The following FHIT variants were observed in gnomAD, a reference collection of about 807,000 sequenced individuals.
The protein encoded by FHIT is fragile histidine triad diadenosine triphosphatase, also known as bis(5'-adenosyl)-triphosphatase.
A neutral mutation model predicts 17.9 loss-of-function variants in FHIT; 19 were observed. The ratio of observed to expected loss-of-function variants is 1.06; its 90% CI spans 0.74 to 1.56. FHIT has a LOEUF of 1.56. Among genes scored for constraint, FHIT ranks in the 40% most tolerant of loss-of-function variants. The pLI, the probability that FHIT is intolerant of heterozygous loss-of-function variation, is 0.00. For missense variants in FHIT, 248 were observed against 189.2 expected (o/e 1.31, Z -1.82); for synonymous variants, 81 against 69.7 (o/e 1.16, Z -0.81).
intron 8 of FHIT, among the ~76,000 whole-genome samples, chr3:59,767,842 C>T (rs1203191721): frequency 6.6e-6 from 1 of 152,182 alleles, no homozygotes; most frequent in Non-Finnish European, 1.5e-5. Context: ...CAGGGTCCCA[C>T]TCCCTTTCTG....
intron 5 of FHIT, among the ~76,000 whole-genome samples, chr3:60,520,001 T>A (rs1461280304): frequency 1.3e-5 from 2 of 152,198 alleles, no homozygotes; most frequent in Non-Finnish European, 2.9e-5. Context: ...GGCTACAAAT[T>A]TCTTATAGTA....
chr3:59,851,910 A>G (rs1053486538), intron 8 of FHIT, among the ~76,000 whole-genome samples: 2 of 152,234 alleles, frequency 1.3e-5, no homozygotes, highest in African/African-American at 4.8e-5. Context: ...TTAAGAGAAA[A>G]AGAGTAGTCA....
At chr3:61,084,381 T>C (rs2035242181) in intron 2 of FHIT, among the ~76,000 whole-genome samples, 1 of 152,194 alleles carries the variant, frequency 6.6e-6, no homozygotes, top group South Asian at 2.1e-4. Flanking sequence ...TTGTTCTGAT[T>C]CCCCTTCAGA....
At chr3:60,432,836 A>G (rs1175664900) in intron 5 of FHIT, among the ~76,000 whole-genome samples, 7 of 151,926 alleles carry the variant, frequency 4.6e-5, no homozygotes, top group African/African-American at 1.4e-4. Context: ...ATATTTGATT[A>G]TGGTTTTTGA....
chr3:61,075,692 C>T (rs1341820049), intron 2 of FHIT, among the ~76,000 whole-genome samples: 1 of 151,956 alleles, frequency 6.6e-6, no homozygotes, highest in Non-Finnish European at 1.5e-5. Flanking sequence ...ACTCCATATA[C>T]ATTTTAATAC....
At chr3:60,037,025 T>C (rs367824800) in intron 5 of FHIT, among the ~76,000 whole-genome samples, 8 of 152,172 alleles carry the variant, frequency 5.3e-5, no homozygotes, top group South Asian at 2.1e-4. Flanking sequence ...AAAGGAGAAG[T>C]GTGTGCTAAA....
At chr3:59,923,349 G>A (rs760077692) in intron 7 of FHIT, among the ~76,000 whole-genome samples, 12 of 151,600 alleles carry the variant, frequency 7.9e-5, no homozygotes, top group African/African-American at 2.9e-4. Flanking sequence ...AGTCAGCACC[G>A]GAAATGAGGT....
At chr3:60,822,552 C>G (rs1701964776) in intron 3 of FHIT, among the ~76,000 whole-genome samples, 1 of 152,144 alleles carries the variant, frequency 6.6e-6, no homozygotes, top group South Asian at 2.1e-4. Context: ...GTCCCACTGG[C>G]CTGAGTTTGA....
At chr3:60,027,106 CAG>C (rs1396528822) in intron 5 of FHIT, among the ~76,000 whole-genome samples, 174 of 111,326 alleles carry the variant, frequency 1.6e-3, no homozygotes, top group African/African-American at 6.2e-3. Context: ...GTTTCACACA[CAG>C]ACACACACAC....
chr3:61,021,516 G>A (rs59077770), intron 3 of FHIT, among the ~76,000 whole-genome samples: 10,733 of 143,520 alleles, frequency 0.075, 446 homozygotes, highest in East Asian at 0.19. Context: ...GGAGAATGGC[G>A]TGAACCCGGG....
intron 4 of FHIT, among the ~76,000 whole-genome samples, chr3:60,545,897 G>A (rs1377822339): frequency 6.6e-6 from 1 of 152,148 alleles, no homozygotes; most frequent in Non-Finnish European, 1.5e-5. Context: ...GTTTCTGAGA[G>A]GACTGTTTTA....
At chr3:60,846,068 C>G (rs1702915472) in intron 3 of FHIT, among the ~76,000 whole-genome samples, 1 of 152,090 alleles carries the variant, frequency 6.6e-6, no homozygotes, top group Admixed American at 6.6e-5. Context: ...AGATAGATTG[C>G]CCAGAAAAAC....
intron 5 of FHIT, among the ~76,000 whole-genome samples, chr3:60,295,123 G>A (rs1708149568): frequency 6.6e-6 from 1 of 152,070 alleles, no homozygotes; most frequent in East Asian, 1.9e-4. Flanking sequence ...AGTGGCACAG[G>A]CCTGTAGTCC....
chr3:59,882,323 T>G (rs559481072), intron 8 of FHIT, among the ~76,000 whole-genome samples: 1 of 152,264 alleles, frequency 6.6e-6, no homozygotes, highest in Non-Finnish European at 1.5e-5. Flanking sequence ...ATCATACTAT[T>G]GAAACACCCT....
chr3:60,798,555 AT>A (rs1445208904), intron 4 of FHIT, among the ~76,000 whole-genome samples: 1 of 152,148 alleles, frequency 6.6e-6, no homozygotes, highest in Non-Finnish European at 1.5e-5. Flanking sequence ...ATTTTTAAAT[AT>A]TTAGACAGAT....
intron 7 of FHIT, among the ~76,000 whole-genome samples, chr3:59,970,960 C>T (rs1217671857): frequency 1.3e-5 from 2 of 151,766 alleles, no homozygotes; most frequent in Non-Finnish European, 2.9e-5. Context: ...CCTTGGAGCC[C>T]CAGAGCCAGA....
At chr3:60,439,894 C>T (rs2030640787) in intron 5 of FHIT, among the ~76,000 whole-genome samples, 1 of 152,036 alleles carries the variant, frequency 6.6e-6, no homozygotes, top group Non-Finnish European at 1.5e-5. Context: ...ATGCACATGC[C>T]AGTCTAAATG....
At position 61,211,849 on chromosome 3, in the gene FHIT, G is replaced by A. The variant is rs527538335; in HGVS notation, c.-212-11184C>T. 5.3e-5 allele frequency among the ~76,000 whole-genome samples: 8 copies of A among 152,322 alleles called. No homozygotes were observed. The East Asian group carries it at 9.6e-4, about 18-fold the overall frequency. ...TCAGACAGCAGCATTCGCGGTTCAC[G>A]AAAATCCGCTGTTCTGCAGCCACTG... On this transcript the variant is annotated intron_variant, in intron 1 of 9. Coordinates refer to ENST00000492590, the MANE Select transcript of FHIT (RefSeq NM_002012.4).
chr3:59,754,823 G>C (rs1229063294), intron 8 of FHIT, among the ~76,000 whole-genome samples: 1 of 152,174 alleles, frequency 6.6e-6, no homozygotes, highest in Non-Finnish European at 1.5e-5. Flanking sequence ...GTTGTACCTA[G>C]CTTTTAAAAG....
Sources: allele counts gnomAD v4.1 joint callset (sites outside exome capture counted in the v4.1 genomes callset), GRCh38; gene constraint gnomAD v4.1.1; transcripts MANE v1.5; gene names NCBI Gene and HGNC (gene_info 2026-07-23, HGNC 2026-07-21).